FOXP4: variants seen among roughly 807,000 people sequenced by gnomAD.
FOXP4 encodes the protein forkhead box P4.
FOXP4 carries 25 observed loss-of-function variants against 82.6 expected under a neutral mutation model. The ratio of observed to expected loss-of-function variants is 0.30; its 90% CI spans 0.22 to 0.42. The LOEUF (loss-of-function observed/expected upper bound fraction) is 0.42. FOXP4 is among the 10% of genes least tolerant of loss of function. FOXP4 has a pLI of 1.00. For missense variants in FOXP4, 785 were observed against 900.9 expected, an observed-to-expected ratio of 0.87 and a Z score of 1.65; for synonymous variants, 415 against 388.2, an observed-to-expected ratio of 1.07 and a Z score of -0.81.
At chr6:41,584,727 G>A in intron 3 of FOXP4, 42 bp from the exon 4 acceptor site, 1 of 1,533,882 alleles carries the variant, frequency 6.5e-7, no homozygotes, top group Non-Finnish European at 8.8e-7. Context: ...CTCCTCCTGG[G>A]TTGGGGTCCA....
At chr6:41,571,404 T>A (rs1765191460) in intron 2 of FOXP4, among the ~76,000 whole-genome samples, 2 of 152,206 alleles carry the variant, frequency 1.3e-5, no homozygotes, top group African/African-American at 4.8e-5. Context: ...TCGCAGTTCC[T>A]CATCCACGCT....
At position 41,589,758 on chromosome 6, in the gene FOXP4, C is replaced by T. The variant is rs1233674955; in HGVS notation, c.1066-13C>T. 7 of 1,609,362 alleles carry T rather than the reference C, an allele frequency of 4.3e-6. No homozygotes were observed. Among genetic ancestry groups the T allele is most frequent in the Middle Eastern group, 1.8e-4 (1 of 5,628 alleles). ...AGCCTCCCGCTCACCTCCTGCTTTG[C>T]CACCCTCCACAGCTCGCCAAGGAGA... On this transcript the variant is annotated splice_polypyrimidine_tract_variant and intron_variant, in intron 9 of 16. Transcript: ENST00000307972.
At chr6:41,595,317 G>GCTTTTCCTGTC (rs1766768597) in intron 14 of FOXP4, among the ~76,000 whole-genome samples, 1 of 152,016 alleles carries the variant, frequency 6.6e-6, no homozygotes, top group African/African-American at 2.4e-5. Context: ...GCAGATGCCA[G>GCTTTTCCTGTC]CCAACGGGCC....
chr6:41,572,192 C>T (rs887612776), intron 2 of FOXP4, among the ~76,000 whole-genome samples: 1 of 152,176 alleles, frequency 6.6e-6, no homozygotes, highest in Non-Finnish European at 1.5e-5. Flanking sequence ...GCTTTTCCCA[C>T]GGCAGGGCCT....
rs1221970718 is a variant in FOXP4, at chr6:41,558,916, C to T, written c.-16-6829C>T. Among the ~76,000 whole-genome samples the T allele has an allele frequency of 6.6e-6, 1 of 152,252 alleles. No homozygotes were observed. On this transcript the variant is annotated intron_variant, in intron 1 of 16. Transcript: ENST00000307972. The surrounding 1 kb of genome is among the most constrained non-coding windows in gnomAD (Gnocchi z 4.0). ...AATAGAGAAAGAAGGAACTAGAAGACATCCTTGTGCTCTGGTATCCACATG... is the reference window on the plus strand; with the variant it reads ...AATAGAGAAAGAAGGAACTAGAAGATATCCTTGTGCTCTGGTATCCACATG...
At chr6:41,580,289 T>C (rs1468658385) in intron 3 of FOXP4, among the ~76,000 whole-genome samples, 1 of 152,214 alleles carries the variant, frequency 6.6e-6, no homozygotes, top group African/African-American at 2.4e-5. Flanking sequence ...TTGGTCAGGC[T>C]GGTCTCAAAC....
At chr6:41,588,087 A>G (rs1253190784) in intron 8 of FOXP4, among the ~76,000 whole-genome samples, 190 bp downstream of exon 8, 1 of 151,980 alleles carries the variant, frequency 6.6e-6, no homozygotes, top group East Asian at 1.9e-4. Flanking sequence ...CCCTGTCTAT[A>G]TTTCTGGGCC....
Position 41,561,973 on chromosome 6 carries a change from A to G in FOXP4, c.-16-3772A>G, listed in dbSNP as rs536441263. 1.1e-4 allele frequency among the ~76,000 whole-genome samples: 16 copies of G among 152,322 alleles called. No individual in the cohort carries two copies. In the East Asian group the frequency reaches 2.7e-3, roughly 26 times the overall value. ...CCATACCCCACACCCTTGTAGTTACAGGGGACTGATAATCAAGGCCTCCCG... is the reference window on the plus strand; with the variant it reads ...CCATACCCCACACCCTTGTAGTTACGGGGGACTGATAATCAAGGCCTCCCG... On this transcript the variant is annotated intron_variant, in intron 1 of 16. Transcript: ENST00000307972.
intron 13 of FOXP4, 59 bp from the exon 14 acceptor site, chr6:41,594,811 A>G (rs909758881): frequency 5.6e-6 from 9 of 1,605,962 alleles, no homozygotes; most frequent in East Asian, 2.2e-5. Context: ...GATGAGGACT[A>G]TCATGTTTGT....
At chr6:41,586,552 A>C (rs984433432) in intron 5 of FOXP4, among the ~76,000 whole-genome samples, 2 of 152,218 alleles carry the variant, frequency 1.3e-5, no homozygotes, top group South Asian at 4.1e-4. Flanking sequence ...CAAGAGAGGA[A>C]AAGAGCTGGG....
At chr6:41,588,845 G>A in intron 9 of FOXP4, 114 bp downstream of exon 9, 1 of 1,142,842 alleles carries the variant, frequency 8.8e-7, no homozygotes, top group Non-Finnish European at 1.3e-6. Context: ...GGGTCCTATG[G>A]TCAAAGCCAC....
At chr6:41,579,512 G>A (rs1392466303) in intron 3 of FOXP4, among the ~76,000 whole-genome samples, 1 of 152,186 alleles carries the variant, frequency 6.6e-6, no homozygotes, top group Non-Finnish European at 1.5e-5. Flanking sequence ...GAAAGGGGCT[G>A]CTGACCCAGG....
At chr6:41,596,436 CTT>C (rs1581792583) in intron 14 of FOXP4, among the ~76,000 whole-genome samples, 1 of 152,194 alleles carries the variant, frequency 6.6e-6, no homozygotes, top group South Asian at 2.1e-4. Flanking sequence ...AGGCAGGAGC[CTT>C]TGCACCCCAG....
intron 2 of FOXP4, among the ~76,000 whole-genome samples, chr6:41,567,072 G>A (rs1764925025): frequency 6.6e-6 from 1 of 152,214 alleles, no homozygotes; most frequent in African/African-American, 2.4e-5. Flanking sequence ...ACCATCAGAA[G>A]CCTGACTCCC....
intron 2 of FOXP4, among the ~76,000 whole-genome samples, chr6:41,572,553 C>T (rs1185079043): frequency 6.6e-6 from 1 of 152,212 alleles, no homozygotes; most frequent in Admixed American, 6.5e-5. Flanking sequence ...TTTTCTGGCT[C>T]AGAATGGGGC....
chr6:41,570,649 C>T (rs1765149203), intron 2 of FOXP4, among the ~76,000 whole-genome samples: 1 of 152,194 alleles, frequency 6.6e-6, no homozygotes, highest in Non-Finnish European at 1.5e-5. Flanking sequence ...CAGCTTCCCT[C>T]CTAATATGGA....
At chr6:41,568,046 A>G (rs1764979780) in intron 2 of FOXP4, among the ~76,000 whole-genome samples, 1 of 152,246 alleles carries the variant, frequency 6.6e-6, no homozygotes, top group Non-Finnish European at 1.5e-5. Flanking sequence ...TTAAAATGAA[A>G]TAGTCCATGG....
chr6:41,549,156 T>C (rs1763853025), intron 1 of FOXP4, among the ~76,000 whole-genome samples: 1 of 152,074 alleles, frequency 6.6e-6, no homozygotes, highest in Non-Finnish European at 1.5e-5. Context: ...CCAGCCTTGC[T>C]ACTAAGTTTG....
At chr6:41,598,549 C>T (rs544599178) in intron 16 of FOXP4, among the ~76,000 whole-genome samples, 11 of 152,232 alleles carry the variant, frequency 7.2e-5, no homozygotes, top group African/African-American at 9.6e-5. Context: ...TTCCTCCGTT[C>T]GCTCATCTCC....
Sources: allele counts gnomAD v4.1 joint callset (sites outside exome capture counted in the v4.1 genomes callset), GRCh38; gene constraint gnomAD v4.1.1; non-coding constraint Gnocchi (gnomAD v3.1); transcripts MANE v1.5; gene names NCBI Gene and HGNC (gene_info 2026-07-23, HGNC 2026-07-21).